MPZL1: variants seen among roughly 807,000 people sequenced by gnomAD.
The protein encoded by MPZL1 is myelin protein zero like 1.
In MPZL1, 16 loss-of-function variants were observed where a neutral mutation model predicts 29.3. The observed-to-expected ratio is 0.55, with a 90% CI of 0.37 to 0.83. MPZL1 has a LOEUF of 0.83. Ranked by LOEUF, MPZL1 falls within the 40% of genes least tolerant of loss-of-function variation. MPZL1 has a pLI of 0.00. For missense variants in MPZL1, 279 were observed against 332.9 expected, an observed-to-expected ratio of 0.84 and a Z score of 1.26; for synonymous variants, 143 against 132.0, an observed-to-expected ratio of 1.08 and a Z score of -0.57.
intron 5 of MPZL1, among the ~76,000 whole-genome samples, chr1:167,785,077 G>A (rs548523113): frequency 6.6e-6 from 1 of 151,984 alleles, no homozygotes; most frequent in Non-Finnish European, 1.5e-5. Flanking sequence ...CTACTGCTAC[G>A]TAACAAACCC....
At chr1:167,779,841 A>G (rs1661455231) in intron 5 of MPZL1, among the ~76,000 whole-genome samples, 1 of 152,252 alleles carries the variant, frequency 6.6e-6, no homozygotes, top group African/African-American at 2.4e-5. Context: ...AACAAGCTCT[A>G]TCTCCGAATG....
At chr1:167,755,421 A>G (rs1363218738) in intron 1 of MPZL1, among the ~76,000 whole-genome samples, 2 of 152,218 alleles carry the variant, frequency 1.3e-5, no homozygotes, top group Non-Finnish European at 2.9e-5. Context: ...GAGCAATTTT[A>G]ATATGCCATT....
intron 1 of MPZL1, among the ~76,000 whole-genome samples, chr1:167,722,727 G>C (rs1660063006): frequency 6.6e-6 from 1 of 152,130 alleles, no homozygotes; most frequent in Admixed American, 6.5e-5. Context: ...GTTAAGCCAG[G>C]GTTTTGTTGT....
rs767613384 is a variant in MPZL1 at position 167,765,615 on chromosome 1, A to G, written c.124A>G (p.Thr42Ala). The change falls in exon 2 of 6, where the codon ACG becomes GCG. Residue 42 changes from threonine to alanine, a missense_variant. Thr to Ala is a moderately conservative substitution (Grantham distance 58). Transcript: ENST00000359523. The part of the protein sequence containing the change: ...TAGVSALEVY[T>A]PKEIFVANGT... Reference sequence around the variant, plus strand: ...TGGAGTATCAGCCTTGGAAGTATATACGCCAAAAGAAATCTTCGTGGCAAA... The same window carrying G: ...TGGAGTATCAGCCTTGGAAGTATATGCGCCAAAAGAAATCTTCGTGGCAAA... 6.2e-7 allele frequency: 1 copy of G among 1,613,206 alleles called. No individual in the cohort carries two copies. The highest frequency in any genetic ancestry group is 1.7e-4 in the Middle Eastern group (1 of 6,060).
At chr1:167,777,585 T>C (rs1661398748) in intron 5 of MPZL1, among the ~76,000 whole-genome samples, 1 of 151,898 alleles carries the variant, frequency 6.6e-6, no homozygotes. Flanking sequence ...AGAGAGAGCG[T>C]GCTAGGATGA....
intron 1 of MPZL1, among the ~76,000 whole-genome samples, chr1:167,762,826 C>G (rs897580359): frequency 6.6e-6 from 1 of 152,124 alleles, no homozygotes; most frequent in Non-Finnish European, 1.5e-5. Flanking sequence ...GATGAAATCT[C>G]CAAAAATGAT....
rs369849690 is a variant in MPZL1 at position 167,745,508 on chromosome 1, A to C, written c.92-20075A>C. Reference sequence around the variant, plus strand: ...TATTTTGTTTGGGTTAACACTGATGATGCTGAAATGTTGGGTATTGATTGC... The same window carrying C: ...TATTTTGTTTGGGTTAACACTGATGCTGCTGAAATGTTGGGTATTGATTGC... On this transcript the variant is annotated intron_variant, in intron 1 of 5. Transcript: ENST00000359523. Among the ~76,000 whole-genome samples, 6 of 152,066 alleles carry C rather than the reference A, an allele frequency of 3.9e-5. No individual in the cohort carries two copies. In the South Asian group the frequency reaches 1.2e-3, roughly 31 times the overall value.
intron 1 of MPZL1, among the ~76,000 whole-genome samples, chr1:167,745,557 C>CT (rs1464033664): frequency 1.3e-5 from 2 of 151,896 alleles, no homozygotes; most frequent in Admixed American, 6.6e-5. Flanking sequence ...GGCAAAGAAG[C>CT]TTTTTTTGTT....
At position 167,788,113 on chromosome 1, in the gene MPZL1, G is replaced by A. The variant is rs1483395317; in HGVS notation, c.*192G>A. 1 of 513,714 alleles carries A rather than the reference G, an allele frequency of 1.9e-6. No individual in the cohort carries two copies. The highest frequency in any genetic ancestry group is 1.9e-5 in the African/African-American group (1 of 51,510). 31.8% of individuals were successfully genotyped at this position (513,714 alleles called of 1,614,324 possible). A position where few individuals can be genotyped will look rare whatever the true frequency, so the allele number is the denominator to read the frequency against. ...CTATTTAGTCATCCTGATATGAGGAGCCAGTGTTGCATGATGAAAAGATGG... is the reference window on the plus strand; with the variant it reads ...CTATTTAGTCATCCTGATATGAGGAACCAGTGTTGCATGATGAAAAGATGG... On this transcript the variant is annotated 3_prime_UTR_variant, in exon 6 of 6. Transcript: ENST00000359523.
intron 2 of MPZL1, among the ~76,000 whole-genome samples, chr1:167,771,446 C>T (rs1051574283): frequency 4.6e-5 from 7 of 152,114 alleles, no homozygotes; most frequent in African/African-American, 1.7e-4. Context: ...CCCACATTTC[C>T]CCCTTTTCTT....
intron 1 of MPZL1, among the ~76,000 whole-genome samples, chr1:167,750,516 A>G (rs76158491): frequency 0.039 from 5,977 of 152,110 alleles, 172 homozygotes; most frequent in Middle Eastern, 0.11. Flanking sequence ...CAGGTTTTTC[A>G]GATGTTAACA....
chr1:167,765,468 G>A, intron 1 of MPZL1, 115 bp from the exon 2 acceptor site: 1 of 747,176 alleles, frequency 1.3e-6, no homozygotes, highest in South Asian at 2.6e-5. Flanking sequence ...TGTAATGGCA[G>A]TGAATTACTG....
At chr1:167,763,909 C>CA (rs1483652656) in intron 1 of MPZL1, among the ~76,000 whole-genome samples, 1 of 152,052 alleles carries the variant, frequency 6.6e-6, no homozygotes. Context: ...AAAGAATAGC[C>CA]AAAAGTGCCC....
chr1:167,741,731 G>A (rs1050183915), intron 1 of MPZL1, among the ~76,000 whole-genome samples: 1 of 151,652 alleles, frequency 6.6e-6, no homozygotes, highest in African/African-American at 2.4e-5. Context: ...TCATTTTGTT[G>A]TTTAAAACCC....
intron 1 of MPZL1, among the ~76,000 whole-genome samples, chr1:167,753,743 C>T (rs1345984615): frequency 6.6e-6 from 1 of 151,962 alleles, no homozygotes; most frequent in Non-Finnish European, 1.5e-5. Flanking sequence ...GATTCTCCTA[C>T]CTCAGTCTCC....
chr1:167,731,470 T>C (rs952260996), intron 1 of MPZL1, among the ~76,000 whole-genome samples: 5 of 143,448 alleles, frequency 3.5e-5, no homozygotes, highest in African/African-American at 1.3e-4. Flanking sequence ...GGAGTCTTGC[T>C]CTGTCGCCCA....
At chr1:167,745,349 A>G (rs1047006320) in intron 1 of MPZL1, among the ~76,000 whole-genome samples, 1 of 152,132 alleles carries the variant, frequency 6.6e-6, no homozygotes, top group Non-Finnish European at 1.5e-5. Flanking sequence ...AAAATCTTGC[A>G]TTGTACTAAA....
At chr1:167,757,235 A>G (rs1660887655) in intron 1 of MPZL1, among the ~76,000 whole-genome samples, 1 of 152,144 alleles carries the variant, frequency 6.6e-6, no homozygotes, top group Non-Finnish European at 1.5e-5. Flanking sequence ...TGCCTGTGTT[A>G]TCTCCACCAG....
At chr1:167,754,941 C>T (rs1228725451) in intron 1 of MPZL1, among the ~76,000 whole-genome samples, 1 of 152,164 alleles carries the variant, frequency 6.6e-6, no homozygotes, top group Non-Finnish European at 1.5e-5. Flanking sequence ...CCATCTGTCT[C>T]CTCCATGGCC....
Sources: gnomAD v4.1 joint callset for allele counts (sites outside exome capture counted in the v4.1 genomes callset) on GRCh38, gnomAD v4.1.1 for gene constraint, MANE v1.5 for transcripts, NCBI Gene and HGNC (gene_info 2026-07-23, HGNC 2026-07-21) for gene names.